GLTP: variants seen among roughly 807,000 people sequenced by gnomAD.
The protein encoded by GLTP is glycolipid transfer protein.
In GLTP, 22 loss-of-function variants were observed where a neutral mutation model predicts 24.0. The observed-to-expected ratio is 0.92, with a 90% CI of 0.65 to 1.31. The LOEUF (loss-of-function observed/expected upper bound fraction) is 1.31, where lower values mean the gene tolerates loss of function less well. Ranked by LOEUF, GLTP falls within the 50% of genes most tolerant of loss-of-function variation. The pLI is 0.00. For synonymous variants in GLTP, 92 were observed against 115.9 expected (o/e 0.79, Z 1.33); for missense variants, 224 against 276.6 (o/e 0.81, Z 1.35).
chr12:109,880,176 G>C lies in GLTP; in HGVS notation c.103+96C>G. 1 of 704,820 alleles carries C rather than the reference G, an allele frequency of 1.4e-6. No individual in the cohort carries two copies. Among genetic ancestry groups the C allele is most frequent in the Non-Finnish European group, 2.5e-6 (1 of 406,080 alleles). 43.7% of individuals were successfully genotyped at this position (704,820 alleles called of 1,614,324 possible). ...GTGCCTGGGGAAACAGTACTTAGGGGTGTCTAGGGCAGAGATGGTTAGGGG... is the reference window on the plus strand; with the variant it reads ...GTGCCTGGGGAAACAGTACTTAGGGCTGTCTAGGGCAGAGATGGTTAGGGG... On this transcript the variant is annotated intron_variant, in intron 1 of 4. Transcript: ENST00000318348. The surrounding 1 kb of genome is among the most constrained non-coding windows in gnomAD (Gnocchi z 5.1).
chr12:109,867,117 C>T (rs1868554709), intron 1 of GLTP, among the ~76,000 whole-genome samples: 2 of 151,608 alleles, frequency 1.3e-5, no homozygotes, highest in Admixed American at 1.3e-4. Context: ...TGATGGTTGA[C>T]AGCTACTTCT....
At chr12:109,876,509 A>G (rs972319996) in intron 1 of GLTP, among the ~76,000 whole-genome samples, 2 of 151,212 alleles carry the variant, frequency 1.3e-5, no homozygotes, top group Non-Finnish European at 3.0e-5. Context: ...AAAACAGAGA[A>G]GAAAGAAAGA....
At chr12:109,875,597 T>C (rs970275208) in intron 1 of GLTP, among the ~76,000 whole-genome samples, 1 of 152,230 alleles carries the variant, frequency 6.6e-6, no homozygotes, top group Non-Finnish European at 1.5e-5. Flanking sequence ...CAGAAGTCAG[T>C]CTTGCAAACT....
At chr12:109,873,800 C>T (rs901296204) in intron 1 of GLTP, among the ~76,000 whole-genome samples, 7 of 151,656 alleles carry the variant, frequency 4.6e-5, no homozygotes, top group African/African-American at 1.7e-4. Flanking sequence ...TGAAGCAAGA[C>T]CTTGTCTCTT....
intron 1 of GLTP, among the ~76,000 whole-genome samples, chr12:109,863,220 CAT>C (rs34628444): frequency 0.46 from 69,861 of 151,782 alleles, 16,512 homozygotes; most frequent in South Asian, 0.57. Context: ...AGCTTCGCCA[CAT>C]GTTTGAATTT....
chr12:109,874,759 A>C (rs1868833085), intron 1 of GLTP, among the ~76,000 whole-genome samples: 1 of 152,102 alleles, frequency 6.6e-6, no homozygotes, highest in Admixed American at 6.6e-5. Context: ...ATTTTAGTTT[A>C]GTTTAGTTGA....
At position 109,852,705 on chromosome 12, in the gene GLTP, G is replaced by C; in HGVS notation, c.480C>G (p.Asp160Glu). Residue 160 changes from aspartate (D) to glutamate (E), a missense_variant, in exon 5 of 5, where the codon GAC becomes GAG. Physicochemically the swap from Asp to Glu is conservative, Grantham distance 45. Coordinates refer to ENST00000318348, the MANE Select transcript of GLTP (RefSeq NM_016433.4). ...AALYAAPYKS[D>E]FLKALSKGQN... ...GCCCCTTGGAGAGCGCTTTCAGGAA[G>C]TCAGACTTATAGGGTGCTGCGTACA... is the stretch of plus-strand genomic sequence containing the variant. 6.2e-7 allele frequency: 1 copy of C among 1,613,130 alleles called. No individual in the cohort carries two copies. Among genetic ancestry groups the C allele is most frequent in the Non-Finnish European group, 8.5e-7 (1 of 1,179,110 alleles).
chr12:109,868,863 T>C (rs1020082387), intron 1 of GLTP, among the ~76,000 whole-genome samples: 4 of 152,168 alleles, frequency 2.6e-5, no homozygotes, highest in Non-Finnish European at 4.4e-5. Context: ...GTGCGGGTTG[T>C]CATGGCTCTG....
At chr12:109,860,710 G>T (rs965114978) in intron 1 of GLTP, among the ~76,000 whole-genome samples, 2 of 152,050 alleles carry the variant, frequency 1.3e-5, no homozygotes, top group African/African-American at 4.8e-5. Context: ...TCATATAATA[G>T]GTAACACCTT....
Position 109,880,441 on chromosome 12 carries a change from G to T in GLTP, c.-67C>A, listed in dbSNP as rs1398186722. The T allele has an allele frequency of 4.7e-6, 3 of 639,016 alleles. No homozygotes were observed. Among genetic ancestry groups the T allele is most frequent in the Non-Finnish European group, 6.6e-6 (3 of 451,816 alleles). 39.6% of individuals were successfully genotyped at this position (639,016 alleles called of 1,614,324 possible). ...GGGCGTCGACACCGCCCCCCCGGCC[G>T]CCGCCGTCAGCGCCGGGGCCGTCAC... On this transcript the variant is annotated 5_prime_UTR_variant, in exon 1 of 5. Transcript: ENST00000318348. The surrounding 1 kb of genome is among the most constrained non-coding windows in gnomAD (Gnocchi z 5.1).
Position 109,852,651 on chromosome 12 carries a change from C to T in GLTP, c.534G>A (p.Glu178=), listed in dbSNP as rs777198670. Residue 178 remains glutamate (E), a synonymous_variant, in exon 5 of 5, where the codon GAG becomes GAA. Transcript: ENST00000318348. ...GQNVTEEECL[E]KIRLFLVNYT... is the part of the protein sequence containing the mutation. ...AGTTGACTAGGAAGAGGCGGATCTT[C>T]TCCAGGCACTCCTCCTCCGTAACAT... 1.2e-6 allele frequency: 2 copies of T among 1,605,294 alleles called. No individual in the cohort carries two copies. Among genetic ancestry groups the T allele is most frequent in the African/African-American group, 2.7e-5 (2 of 74,726 alleles).
At chr12:109,870,938 T>C (rs367623285) in intron 1 of GLTP, among the ~76,000 whole-genome samples, 15 of 152,244 alleles carry the variant, frequency 9.9e-5, no homozygotes, top group Admixed American at 5.9e-4. Context: ...AAAGCTCAGA[T>C]ACAGTTAACA....
intron 4 of GLTP, among the ~76,000 whole-genome samples, chr12:109,853,586 G>A (rs1892755168): frequency 6.6e-6 from 1 of 151,322 alleles, no homozygotes; most frequent in Non-Finnish European, 1.5e-5. Flanking sequence ...TACTCGGGAG[G>A]CTGAGGCAGG....
chr12:109,854,866 C>A (rs1892775611), intron 4 of GLTP, among the ~76,000 whole-genome samples: 1 of 152,194 alleles, frequency 6.6e-6, no homozygotes, highest in Non-Finnish European at 1.5e-5. Context: ...GGCTTCTGCC[C>A]CAGCCTGCTT....
chr12:109,862,046 G>GAGCAGTCT (rs1158266767), intron 1 of GLTP, among the ~76,000 whole-genome samples: 1 of 152,138 alleles, frequency 6.6e-6, no homozygotes, highest in East Asian at 1.9e-4. Flanking sequence ...GCTAGGCCAC[G>GAGCAGTCT]AGCAGTCTCC....
At chr12:109,875,413 T>C (rs1239861327) in intron 1 of GLTP, among the ~76,000 whole-genome samples, 1 of 151,962 alleles carries the variant, frequency 6.6e-6, no homozygotes, top group Non-Finnish European at 1.5e-5. Flanking sequence ...CTACAAACCA[T>C]TCACAAAGGC....
chr12:109,874,327 C>T (rs1349192225), intron 1 of GLTP, among the ~76,000 whole-genome samples: 1 of 152,172 alleles, frequency 6.6e-6, no homozygotes, highest in Admixed American at 6.5e-5. Context: ...CTGCCACTGC[C>T]ACCCTCCCCC....
At chr12:109,870,900 G>A (rs1345296394) in intron 1 of GLTP, among the ~76,000 whole-genome samples, 1 of 152,102 alleles carries the variant, frequency 6.6e-6, no homozygotes. Context: ...AGACCCTGGA[G>A]AGGGCTGATC....
chr12:109,852,869 G>A, intron 4 of GLTP, 132 bp from the exon 5 acceptor site: 2 of 618,654 alleles, frequency 3.2e-6, no homozygotes, highest in African/African-American at 1.9e-5. Flanking sequence ...TTGAGGTGTT[G>A]GAAGGGAAAG....
Sources: gnomAD v4.1 joint callset for allele counts (sites outside exome capture counted in the v4.1 genomes callset) on GRCh38, gnomAD v4.1.1 for gene constraint, Gnocchi (gnomAD v3.1) non-coding constraint, MANE v1.5 for transcripts, NCBI Gene and HGNC (gene_info 2026-07-23, HGNC 2026-07-21) for gene names.